The following SAMD12 variants were observed in gnomAD, a reference collection of about 807,000 sequenced individuals.
The protein encoded by SAMD12 is sterile alpha motif domain containing 12, also known as sterile alpha motif domain-containing protein 12.
Under a neutral mutation model 15.0 loss-of-function variants are expected in SAMD12, and 9 were observed. That is an observed-to-expected ratio of 0.60 (90% CI 0.36 to 1.05). SAMD12 has a LOEUF of 1.05. Among genes scored for constraint, SAMD12 ranks in the 50% least tolerant of loss-of-function variants. SAMD12 has a pLI of 0.01. For synonymous variants in SAMD12, 86 were observed against 90.1 expected (o/e 0.96, Z 0.25); for missense variants, 230 against 234.2 (o/e 0.98, Z 0.12).
intron 2 of SAMD12, among the ~76,000 whole-genome samples, chr8:118,574,643 C>T (rs995148268): frequency 1.4e-4 from 22 of 152,300 alleles, no homozygotes; most frequent in African/African-American, 3.6e-4. Context: ...CTTACCTCTT[C>T]GGATATAAGT....
intron 2 of SAMD12, among the ~76,000 whole-genome samples, chr8:118,522,858 G>C (rs1183649879): frequency 6.6e-6 from 1 of 152,098 alleles, no homozygotes; most frequent in Non-Finnish European, 1.5e-5. Flanking sequence ...ATCCCAAAAA[G>C]AAACTGCAAG....
chr8:118,254,769 T>C (rs1355554658), intron 4 of SAMD12, among the ~76,000 whole-genome samples: 3 of 152,078 alleles, frequency 2.0e-5, no homozygotes, highest in Admixed American at 6.6e-5. Flanking sequence ...TTGATCTCCT[T>C]GGCCTGTGAT....
At chr8:118,555,186 A>T (rs1317010555) in intron 2 of SAMD12, among the ~76,000 whole-genome samples, 2 of 152,204 alleles carry the variant, frequency 1.3e-5, no homozygotes, top group African/African-American at 4.8e-5. Context: ...ACCTCCTCAC[A>T]TCCATTAATT....
intron 4 of SAMD12, among the ~76,000 whole-genome samples, chr8:118,209,636 A>C (rs1479547519): frequency 1.3e-5 from 2 of 152,146 alleles, no homozygotes; most frequent in East Asian, 3.9e-4. Flanking sequence ...GCAATTTACC[A>C]GGTTCTACAC....
chr8:118,386,916 G>A (rs1819993439), intron 3 of SAMD12, among the ~76,000 whole-genome samples: 1 of 152,184 alleles, frequency 6.6e-6, no homozygotes, highest in Admixed American at 6.5e-5. Context: ...ATGTGGTTGG[G>A]GGGTGCCACT....
chr8:118,589,639 T>C (rs1827531254), intron 1 of SAMD12, among the ~76,000 whole-genome samples: 1 of 152,172 alleles, frequency 6.6e-6, no homozygotes, highest in Non-Finnish European at 1.5e-5. Flanking sequence ...ATGCAGAAGT[T>C]CTATGATGCT....
At chr8:118,369,353 A>G (rs751277773) in intron 4 of SAMD12, among the ~76,000 whole-genome samples, 3 of 152,210 alleles carry the variant, frequency 2.0e-5, no homozygotes, top group African/African-American at 7.2e-5. Flanking sequence ...CTGGCTAGCC[A>G]TATGCAGAAA....
At chr8:118,285,331 T>C (rs980414770) in intron 4 of SAMD12, among the ~76,000 whole-genome samples, 1 of 152,184 alleles carries the variant, frequency 6.6e-6, no homozygotes, top group Non-Finnish European at 1.5e-5. Context: ...ATAGTGATCA[T>C]ATAAACTTTG....
chr8:118,550,190 A>G (rs1046149236), intron 2 of SAMD12, among the ~76,000 whole-genome samples: 1 of 152,046 alleles, frequency 6.6e-6, no homozygotes, highest in South Asian at 2.1e-4. Context: ...CCACAAAGAT[A>G]CTCCTTGAGA....
At chr8:118,592,583 G>A (rs1387400550) in intron 1 of SAMD12, among the ~76,000 whole-genome samples, 2 of 152,082 alleles carry the variant, frequency 1.3e-5, no homozygotes, top group Admixed American at 1.3e-4. Flanking sequence ...AAAGTGTTTA[G>A]TCAATACATA....
intron 2 of SAMD12, among the ~76,000 whole-genome samples, chr8:118,558,668 C>T (rs1826615772): frequency 6.6e-6 from 1 of 152,344 alleles, no homozygotes; most frequent in African/African-American, 2.4e-5. Context: ...ACGCCATTCT[C>T]CTGCCTCAGC....
At chr8:118,553,795 C>G (rs1826427931) in intron 2 of SAMD12, among the ~76,000 whole-genome samples, 1 of 149,908 alleles carries the variant, frequency 6.7e-6, no homozygotes, top group Admixed American at 6.6e-5. Context: ...TGACAAAGGG[C>G]TAATATCCAG....
In SAMD12 at chr8:118,192,059, G is replaced by A. The variant is rs148807886; in HGVS notation, c.*5651C>T. 306 of 151,448 alleles carry A rather than the reference G, an allele frequency of 2.0e-3. 3 individuals carry two copies. The highest frequency in any genetic ancestry group is 7.2e-3 in the African/African-American group (298 of 41,304). The allele number at this position is 151,448 out of a possible 1,614,324, so 9.4% of individuals were successfully genotyped here. On this transcript the variant is annotated 3_prime_UTR_variant, in exon 5 of 5. Transcript: ENST00000409003. ...CATGATCAGTTTGTGGAATAGGACAGGACCAACCCTGAGGTGCCTGGGGCA... is the reference window on the plus strand; with the variant it reads ...CATGATCAGTTTGTGGAATAGGACAAGACCAACCCTGAGGTGCCTGGGGCA...
chr8:118,391,855 A>C, intron 3 of SAMD12, among the ~76,000 whole-genome samples: 1 of 152,148 alleles, frequency 6.6e-6, no homozygotes, highest in Non-Finnish European at 1.5e-5. Context: ...ACCAGCAGGT[A>C]TTAAACAGCT....
chr8:118,621,887 C>CT lies in SAMD12; in HGVS notation c.-72dup. 6.6e-7 allele frequency: 1 copy of CT among 1,522,270 alleles called. No homozygotes were observed. The highest frequency in any genetic ancestry group is 9.1e-7 in the Non-Finnish European group (1 of 1,096,292). The allele number at this position is 1,522,270 out of a possible 1,614,324, so 94.3% of individuals were successfully genotyped here. A position where few individuals can be genotyped will look rare whatever the true frequency, so the allele number is the denominator to read the frequency against. ...TACTCCTCCTGCCCCGCGCTCCCCC[C>CT]TTCCTCTCGCTTTCGCCTAAATATT... On this transcript the variant is annotated 5_prime_UTR_variant, in exon 1 of 4. Coordinates refer to ENST00000314727, the MANE Select transcript of SAMD12 (RefSeq NM_207506.3).
intron 2 of SAMD12, among the ~76,000 whole-genome samples, chr8:118,568,056 CAT>C (rs1563588602): frequency 1.3e-5 from 2 of 152,116 alleles, no homozygotes; most frequent in African/African-American, 2.4e-5. Context: ...TAATAATAAA[CAT>C]AAATTATGTA....
chr8:118,209,892 A>G (rs1819970430), intron 4 of SAMD12, among the ~76,000 whole-genome samples: 1 of 152,114 alleles, frequency 6.6e-6, no homozygotes, highest in Admixed American at 6.5e-5. Flanking sequence ...TACCCTGGAG[A>G]GCCCAGAGAG....
intron 2 of SAMD12, among the ~76,000 whole-genome samples, chr8:118,519,630 C>T (rs749507421): frequency 1.4e-4 from 22 of 152,196 alleles, no homozygotes; most frequent in South Asian, 6.2e-4. Flanking sequence ...ATTGGATGAT[C>T]GTATCTTTGA....
intron 3 of SAMD12, among the ~76,000 whole-genome samples, chr8:118,420,992 C>T (rs571938429): frequency 2.0e-4 from 30 of 152,280 alleles, no homozygotes; most frequent in South Asian, 6.2e-4. Flanking sequence ...AAAGACCCTA[C>T]GACCTACAAA....
Sources: allele counts gnomAD v4.1 joint callset (sites outside exome capture counted in the v4.1 genomes callset), GRCh38; gene constraint gnomAD v4.1.1; transcripts MANE v1.5; gene names NCBI Gene and HGNC (gene_info 2026-07-23, HGNC 2026-07-21).